PTPRT: variants seen among roughly 807,000 people sequenced by gnomAD.
PTPRT encodes protein tyrosine phosphatase receptor type T, also known as receptor-type tyrosine-protein phosphatase T.
Under a neutral mutation model 176.8 loss-of-function variants are expected in PTPRT, and 56 were observed. The observed-to-expected ratio is 0.32, with a 90% CI of 0.26 to 0.40. The LOEUF (loss-of-function observed/expected upper bound fraction) is 0.40. PTPRT is among the 10% of genes least tolerant of loss of function. The probability of loss-of-function intolerance (pLI) is 1.00; values close to 1 mark genes in which losing one functional copy is unlikely to be tolerated. For synonymous variants in PTPRT, 783 were observed against 739.0 expected (o/e 1.06, Z -0.96); for missense variants, 1,540 against 1,908.2 (o/e 0.81, Z 3.60).
At chr20:42,439,939 G>T (rs544368807) in intron 9 of PTPRT, among the ~76,000 whole-genome samples, 2 of 152,148 alleles carry the variant, frequency 1.3e-5, no homozygotes, top group South Asian at 4.2e-4. Context: ...AGACAGTCTC[G>T]CTCTGTTGCC....
intron 7 of PTPRT, among the ~76,000 whole-genome samples, chr20:42,498,684 G>A (rs939557984): frequency 6.6e-6 from 1 of 152,018 alleles, no homozygotes; most frequent in Non-Finnish European, 1.5e-5. Flanking sequence ...CTACTTGGAG[G>A]CTTCATCTAC....
intron 1 of PTPRT, among the ~76,000 whole-genome samples, chr20:42,928,405 T>A (rs1350944992): frequency 6.6e-6 from 1 of 152,192 alleles, no homozygotes; most frequent in African/African-American, 2.4e-5. Context: ...CCCTGACACC[T>A]GCAGCTGGGA....
intron 7 of PTPRT, among the ~76,000 whole-genome samples, chr20:42,587,883 T>C (rs1457060431): frequency 6.6e-6 from 1 of 152,172 alleles, no homozygotes; most frequent in African/African-American, 2.4e-5. Context: ...TGGGTGACTT[T>C]GGGCAAATTA....
In PTPRT at chr20:42,132,802, G is replaced by C. The variant is rs116565564; in HGVS notation, c.2771-3972C>G. 9.2e-3 allele frequency among the ~76,000 whole-genome samples: 1,407 copies of C among 152,260 alleles called. 22 individuals are homozygous for C. The highest frequency in any genetic ancestry group is 0.031 in the African/African-American group (1,301 of 41,556). On this transcript the variant is annotated intron_variant, in intron 18 of 30. Coordinates refer to ENST00000373187, the MANE Select transcript of PTPRT (RefSeq NM_007050.6). Reference sequence around the variant, plus strand: ...ACATACACTTACCATACTATATCTAGCAATTGTACTTCTTGGTATTTACCC... The same window carrying C: ...ACATACACTTACCATACTATATCTACCAATTGTACTTCTTGGTATTTACCC...
intron 1 of PTPRT, among the ~76,000 whole-genome samples, chr20:43,098,939 C>G (rs1358847044): frequency 6.6e-6 from 1 of 152,068 alleles, no homozygotes; most frequent in Non-Finnish European, 1.5e-5. Flanking sequence ...CTCTTGCCGC[C>G]CACAAATTTT....
At chr20:42,481,354 G>A (rs1202421650) in intron 7 of PTPRT, among the ~76,000 whole-genome samples, 1 of 152,120 alleles carries the variant, frequency 6.6e-6, no homozygotes, top group Non-Finnish European at 1.5e-5. Flanking sequence ...TAAGGTCGAA[G>A]ACTAGAGGTC....
At chr20:42,180,673 G>A (rs1990479980) in intron 16 of PTPRT, among the ~76,000 whole-genome samples, 1 of 152,154 alleles carries the variant, frequency 6.6e-6, no homozygotes, top group Non-Finnish European at 1.5e-5. Context: ...GAATAAATGA[G>A]TGGCAGCATG....
chr20:42,598,166 A>C (rs1201969270), intron 7 of PTPRT, among the ~76,000 whole-genome samples: 1 of 152,188 alleles, frequency 6.6e-6, no homozygotes. Flanking sequence ...AAAGGTATTT[A>C]AGTAAAAAGA....
chr20:42,906,558 C>G (rs2079480697), intron 1 of PTPRT, among the ~76,000 whole-genome samples: 1 of 152,226 alleles, frequency 6.6e-6, no homozygotes, highest in African/African-American at 2.4e-5. Flanking sequence ...CTAACACAAG[C>G]CACCTACAGA....
chr20:42,830,219 C>T (rs1017142730), intron 2 of PTPRT, among the ~76,000 whole-genome samples: 39 of 152,306 alleles, frequency 2.6e-4, no homozygotes, highest in African/African-American at 9.4e-4. Context: ...CAAACCAAAT[C>T]CAGCAAAACA....
At chr20:42,387,276 G>A (rs2058753890) in intron 9 of PTPRT, among the ~76,000 whole-genome samples, 1 of 152,172 alleles carries the variant, frequency 6.6e-6, no homozygotes, top group African/African-American at 2.4e-5. Flanking sequence ...GAGGCTGAAG[G>A]CCAAACAACT....
intron 1 of PTPRT, among the ~76,000 whole-genome samples, chr20:42,918,104 G>A (rs1373345996): frequency 6.6e-6 from 1 of 151,930 alleles, no homozygotes; most frequent in Non-Finnish European, 1.5e-5. Context: ...TTCAGTTCAG[G>A]GGCAGTAAGA....
chr20:42,997,196 T>A (rs542772519), intron 1 of PTPRT, among the ~76,000 whole-genome samples: 1 of 152,284 alleles, frequency 6.6e-6, no homozygotes, highest in Non-Finnish European at 1.5e-5. Flanking sequence ...TTCTACACTG[T>A]GACTTTGCCA....
At chr20:42,164,089 T>G (rs781444412) in intron 16 of PTPRT, among the ~76,000 whole-genome samples, 6 of 152,204 alleles carry the variant, frequency 3.9e-5, no homozygotes, top group Non-Finnish European at 7.3e-5. Flanking sequence ...ACTCTATGAT[T>G]TCTATGAAAG....
At chr20:42,876,942 C>G (rs1342901561) in intron 2 of PTPRT, among the ~76,000 whole-genome samples, 1 of 152,074 alleles carries the variant, frequency 6.6e-6, no homozygotes, top group African/African-American at 2.4e-5. Flanking sequence ...GACATTTGTG[C>G]CGGGGTTTGA....
In PTPRT at chr20:42,885,978, CT is replaced by C. The variant is rs779304665; in HGVS notation, c.89-47del. ...GGTAAATACATTCCCGTGTCTGAGG[CT>C]TGGTTCGTTACCTCTGTCTCGTCGG... On this transcript the variant is annotated intron_variant, in intron 1 of 30. Transcript: ENST00000373187. 5.8e-4 allele frequency: 874 copies of C among 1,516,000 alleles called. 1 individual carries two copies. Among genetic ancestry groups the C allele is most frequent in the Non-Finnish European group, 7.4e-4 (829 of 1,120,880 alleles). 93.9% of individuals were successfully genotyped at this position (1,516,000 alleles called of 1,614,324 possible).
chr20:42,540,805 T>G (rs568488623), intron 7 of PTPRT, among the ~76,000 whole-genome samples: 1 of 152,252 alleles, frequency 6.6e-6, no homozygotes, highest in African/African-American at 2.4e-5. Context: ...ATAGTCAAAA[T>G]AGTGTAAACA....
chr20:42,402,703 G>A (rs767204491), intron 9 of PTPRT, among the ~76,000 whole-genome samples: 3 of 152,014 alleles, frequency 2.0e-5, no homozygotes, highest in Non-Finnish European at 2.9e-5. Flanking sequence ...AATGCTTGGT[G>A]TGGATTGTAA....
At chr20:43,009,826 C>T (rs1237555115) in intron 1 of PTPRT, among the ~76,000 whole-genome samples, 1 of 152,128 alleles carries the variant, frequency 6.6e-6, no homozygotes, top group African/African-American at 2.4e-5. Context: ...GTTCCTCATA[C>T]TTCAGTACTC....
Sources: gnomAD v4.1 joint callset for allele counts (sites outside exome capture counted in the v4.1 genomes callset) on GRCh38, gnomAD v4.1.1 for gene constraint, MANE v1.5 for transcripts, NCBI Gene and HGNC (gene_info 2026-07-23, HGNC 2026-07-21) for gene names.